EVI5: variants seen among roughly 807,000 people sequenced by gnomAD.
The protein encoded by EVI5 is ecotropic viral integration site 5 protein homolog.
In EVI5, 73 loss-of-function variants were observed where a neutral mutation model predicts 112.0. The ratio of observed to expected loss-of-function variants is 0.65; its 90% CI spans 0.54 to 0.79. The LOEUF is 0.79. Among genes scored for constraint, EVI5 ranks in the 30% least tolerant of loss-of-function variants. EVI5 has a pLI of 0.00. For synonymous variants in EVI5, 305 were observed against 319.9 expected (o/e 0.95, Z 0.50); for missense variants, 900 against 968.8 (o/e 0.93, Z 0.94).
chr1:92,645,265 C>T (rs1163050148), intron 13 of EVI5, among the ~76,000 whole-genome samples: 2 of 152,106 alleles, frequency 1.3e-5, no homozygotes, highest in Non-Finnish European at 2.9e-5. Flanking sequence ...ACTCTTGGTG[C>T]TATTCCTTGT....
chr1:92,629,785 T>C (rs1656519302), intron 14 of EVI5, among the ~76,000 whole-genome samples: 2 of 151,848 alleles, frequency 1.3e-5, no homozygotes, highest in South Asian at 4.2e-4. Context: ...CATTTAACAT[T>C]AGGTATATCT....
intron 19 of EVI5, among the ~76,000 whole-genome samples, chr1:92,561,927 C>T (rs1668696863): frequency 6.6e-6 from 1 of 152,110 alleles, no homozygotes; most frequent in Admixed American, 6.6e-5. Context: ...CGTGCGCCCA[C>T]ACCTGGTCAG....
At chr1:92,607,248 A>G (rs1418306283) in intron 17 of EVI5, among the ~76,000 whole-genome samples, 1 of 152,124 alleles carries the variant, frequency 6.6e-6, no homozygotes, top group Non-Finnish European at 1.5e-5. Flanking sequence ...ACCTCTCTAA[A>G]TGACCCATCT....
At chr1:92,776,426 G>C (rs144268199) in intron 1 of EVI5, among the ~76,000 whole-genome samples, 2 of 152,178 alleles carry the variant, frequency 1.3e-5, no homozygotes, top group Non-Finnish European at 2.9e-5. Context: ...AGCTATTAGA[G>C]ATATTTAAAA....
At position 92,695,461 on chromosome 1, in the gene EVI5, G is replaced by A. The variant is rs1421920758; in HGVS notation, c.766-8C>T. 6.4e-7 allele frequency: 1 copy of A among 1,568,036 alleles called. No homozygotes were observed. The highest frequency in any genetic ancestry group is 2.2e-5 in the East Asian group (1 of 44,592). ...GAGCTCTGGAAGATGCTCCTAAAGA[G>A]AAGAAAATAATTAGTTATAACACAG... On this transcript the variant is annotated splice_polypyrimidine_tract_variant and splice_region_variant and intron_variant, in intron 6 of 19. Transcript: ENST00000684568.
intron 13 of EVI5, among the ~76,000 whole-genome samples, chr1:92,659,986 T>C (rs572679607): frequency 6.6e-6 from 1 of 151,938 alleles, no homozygotes; most frequent in East Asian, 1.9e-4. Context: ...ACTCAGAAAG[T>C]CAAATATTGC....
chr1:92,534,207 G>A lies in EVI5; in HGVS notation c.2167-20237C>T, dbSNP rs183600357. Reference sequence around the variant, plus strand: ...CTACTAGTAAGAGAGAAAAAACCAGGGAATACAACTTACAAGGGATGTGAA... The same window carrying A: ...CTACTAGTAAGAGAGAAAAAACCAGAGAATACAACTTACAAGGGATGTGAA... On this transcript the variant is annotated intron_variant, in intron 19 of 19. Transcript: ENST00000684568. Among the ~76,000 whole-genome samples, 416 of 152,080 alleles carry A rather than the reference G, an allele frequency of 2.7e-3. 7 individuals are homozygous for A. The highest frequency in any genetic ancestry group is 9.7e-3 in the African/African-American group (403 of 41,462).
chr1:92,623,675 T>C (rs534468084), intron 16 of EVI5, among the ~76,000 whole-genome samples: 34 of 152,216 alleles, frequency 2.2e-4, no homozygotes, highest in East Asian at 5.8e-4. Flanking sequence ...TGGTTCCCAA[T>C]TGGGGCAATT....
At chr1:92,695,634 G>T (rs1241554467) in intron 6 of EVI5, among the ~76,000 whole-genome samples, 181 bp from the exon 7 acceptor site, 3 of 152,006 alleles carry the variant, frequency 2.0e-5, no homozygotes. Flanking sequence ...AAAGAAGGGG[G>T]AAAGAATGTG....
intron 9 of EVI5, among the ~76,000 whole-genome samples, chr1:92,690,302 T>G (rs1002307517): frequency 6.6e-6 from 1 of 152,002 alleles, no homozygotes; most frequent in Non-Finnish European, 1.5e-5. Flanking sequence ...ATCATGCTTT[T>G]GTTATCCTAA....
intron 18 of EVI5, among the ~76,000 whole-genome samples, chr1:92,584,437 G>A (rs1672460918): frequency 6.6e-6 from 1 of 152,068 alleles, no homozygotes; most frequent in East Asian, 1.9e-4. Context: ...TATAGTAGAA[G>A]AAAACCCAAT....
At chr1:92,711,350 A>G (rs1408895466) in intron 2 of EVI5, among the ~76,000 whole-genome samples, 1 of 152,226 alleles carries the variant, frequency 6.6e-6, no homozygotes, top group Non-Finnish European at 1.5e-5. Flanking sequence ...ACTCAGCATA[A>G]TGTTTTCCTA....
intron 18 of EVI5, among the ~76,000 whole-genome samples, chr1:92,592,746 C>T (rs138344027): frequency 0.026 from 3,980 of 152,144 alleles, 131 homozygotes; most frequent in African/African-American, 0.074. Context: ...ATATCACCAC[C>T]GATCCCACAT....
intron 18 of EVI5, among the ~76,000 whole-genome samples, chr1:92,582,424 C>G (rs1264169896): frequency 2.0e-5 from 3 of 152,090 alleles, no homozygotes; most frequent in Non-Finnish European, 4.4e-5. Flanking sequence ...CAAAGGTGGT[C>G]AGGCAGTGAC....
At chr1:92,703,766 C>T (rs546725869) in intron 3 of EVI5, 147 bp from the exon 4 acceptor site, 2 of 594,056 alleles carry the variant, frequency 3.4e-6, no homozygotes, top group Middle Eastern at 4.4e-4. Context: ...GACTAGGGAA[C>T]CCTGTAAGTC....
intron 1 of EVI5, chr1:92,784,301 G>T: frequency 1.0e-6 from 1 of 985,316 alleles, no homozygotes; most frequent in Non-Finnish European, 1.2e-6. Context: ...GTCATAAGGT[G>T]ATTCAGGAAT....
intron 1 of EVI5, chr1:92,756,474 C>T: frequency 1.9e-6 from 1 of 539,428 alleles, no homozygotes; most frequent in South Asian, 1.4e-5. Context: ...CCAACATGGC[C>T]TACAAGACTA....
intron 16 of EVI5, among the ~76,000 whole-genome samples, chr1:92,609,606 C>T (rs1344155965): frequency 6.6e-6 from 1 of 152,170 alleles, no homozygotes; most frequent in East Asian, 1.9e-4. Context: ...AATCCGCCCG[C>T]CTCAGCCTCC....
chr1:92,644,762 T>TA (rs1660630712), intron 13 of EVI5, among the ~76,000 whole-genome samples: 1 of 152,224 alleles, frequency 6.6e-6, no homozygotes, highest in Non-Finnish European at 1.5e-5. Context: ...AATTTCCTTT[T>TA]AGACTTCCTC....
Sources: allele counts gnomAD v4.1 joint callset (sites outside exome capture counted in the v4.1 genomes callset), GRCh38; gene constraint gnomAD v4.1.1; transcripts MANE v1.5; gene names NCBI Gene and HGNC (gene_info 2026-07-23, HGNC 2026-07-21).